Variants in LRCH3 observed in about 807,000 individuals in gnomAD.
LRCH3 encodes the protein DISP complex protein LRCH3.
In LRCH3, 68 loss-of-function variants were observed where a neutral mutation model predicts 104.5. That is an observed-to-expected ratio of 0.65 (90% CI 0.54 to 0.80). The LOEUF is 0.80. LRCH3 is among the 30% of genes least tolerant of loss of function. The pLI is 0.00. For missense variants in LRCH3, 951 were observed against 953.9 expected, an observed-to-expected ratio of 1.00 and a Z score of 0.04; for synonymous variants, 344 against 361.3, an observed-to-expected ratio of 0.95 and a Z score of 0.54.
chr3:197,844,533 A>G (rs369059897), intron 10 of LRCH3, among the ~76,000 whole-genome samples: 7 of 152,218 alleles, frequency 4.6e-5, no homozygotes, highest in African/African-American at 1.7e-4. Flanking sequence ...TGGGATTAAA[A>G]GCATGAGCCA....
chr3:197,803,639 T>C (rs1458596542), intron 1 of LRCH3, among the ~76,000 whole-genome samples: 2 of 151,832 alleles, frequency 1.3e-5, no homozygotes, highest in East Asian at 3.9e-4. Context: ...CACTCTAGCT[T>C]AGGCCACAGA....
chr3:197,829,228 T>C (rs1313145456), intron 5 of LRCH3, among the ~76,000 whole-genome samples: 1 of 152,238 alleles, frequency 6.6e-6, no homozygotes, highest in Non-Finnish European at 1.5e-5. Flanking sequence ...AGTTGCTTCA[T>C]GTAATCTAAT....
chr3:197,847,666 A>G (rs1029980248), intron 11 of LRCH3, among the ~76,000 whole-genome samples: 2 of 174 alleles, frequency 0.011, no homozygotes, highest in African/African-American at 0.024. Flanking sequence ...ATGGCTTTAT[A>G]GTATTAGTTT....
At chr3:197,853,541 G>A (rs866506339) in intron 13 of LRCH3, among the ~76,000 whole-genome samples, 7 of 152,226 alleles carry the variant, frequency 4.6e-5, no homozygotes, top group South Asian at 2.1e-4. Flanking sequence ...GCATAAAAGC[G>A]TTGTTTCATG....
At chr3:197,831,787 A>T (rs753588390) in intron 7 of LRCH3, among the ~76,000 whole-genome samples, 10 of 151,824 alleles carry the variant, frequency 6.6e-5, no homozygotes, top group East Asian at 1.9e-4. Context: ...CTGGCTAATT[A>T]AAAAAAATTT....
intron 4 of LRCH3, among the ~76,000 whole-genome samples, chr3:197,821,358 ATCTT>A (rs1447136085): frequency 2.0e-5 from 3 of 152,052 alleles, no homozygotes; most frequent in Non-Finnish European, 4.4e-5. Context: ...TAGTTTATCA[ATCTT>A]TCACAAATTA....
chr3:197,824,126 A>G (rs1273558), intron 4 of LRCH3, among the ~76,000 whole-genome samples: 114,639 of 150,812 alleles, frequency 0.76, 45,210 homozygotes, highest in East Asian at 0.94. Flanking sequence ...GTGCAGTGGC[A>G]TGATCTTGGC....
rs144846369 is a variant in LRCH3 at position 197,817,680 on chromosome 3, A to T, written c.534+378A>T. ...AATTTTTCAAAATAAATTTGTTTGT[A>T]TCATCAATATTCTGATTTTTGATTA... On this transcript the variant is annotated intron_variant, in intron 3 of 20. Coordinates refer to ENST00000425562, the MANE Select transcript of LRCH3 (RefSeq NM_001365715.1). 9.1e-4 allele frequency among the ~76,000 whole-genome samples: 138 copies of T among 152,156 alleles called. 3 individuals are homozygous for T. The East Asian group carries it at 0.013, about 15-fold the overall frequency.
At chr3:197,846,291 C>G (rs1738677456) in intron 10 of LRCH3, among the ~76,000 whole-genome samples, 1 of 149,256 alleles carries the variant, frequency 6.7e-6, no homozygotes, top group African/African-American at 2.5e-5. Flanking sequence ...TGTAGGCCAG[C>G]TGTTCGAAAG....
chr3:197,801,130 A>G (rs769206596), intron 1 of LRCH3, among the ~76,000 whole-genome samples: 2 of 151,762 alleles, frequency 1.3e-5, no homozygotes, highest in African/African-American at 2.4e-5. Context: ...AGCTATAACT[A>G]TATGCAGTTG....
In LRCH3 at chr3:197,856,203, A is replaced by G. The variant is rs1740225830; in HGVS notation, c.1644+1758A>G. On this transcript the variant is annotated intron_variant, in intron 14 of 20. Transcript: ENST00000425562. This position sits in a 1 kb window ranked among gnomAD's most constrained non-coding sequence, Gnocchi z 4.2. The stretch of plus-strand genomic sequence containing the variant: ...TTTGTTTAAATGTTCCATCTTTAAC[A>G]TGACTTTTCGGCAGCCCACCACCCT... Among the ~76,000 whole-genome samples the G allele has an allele frequency of 6.6e-6, 1 of 152,122 alleles. No individual in the cohort carries two copies. Among genetic ancestry groups the G allele is most frequent in the African/African-American group, 2.4e-5 (1 of 41,424 alleles).
intron 10 of LRCH3, among the ~76,000 whole-genome samples, chr3:197,840,832 C>G (rs571983840): frequency 6.6e-6 from 1 of 152,144 alleles, no homozygotes; most frequent in Non-Finnish European, 1.5e-5. Context: ...TCAGTTGCCA[C>G]GTGTCCTTTT....
chr3:197,855,573 C>T (rs1740138288), intron 14 of LRCH3, among the ~76,000 whole-genome samples: 1 of 152,178 alleles, frequency 6.6e-6, no homozygotes, highest in Non-Finnish European at 1.5e-5. Context: ...ATCTGTCTGG[C>T]TGATGGGAGA....
intron 4 of LRCH3, among the ~76,000 whole-genome samples, chr3:197,825,375 T>A (rs1037884672): frequency 1.1e-4 from 16 of 150,076 alleles, no homozygotes; most frequent in Admixed American, 6.0e-4. Context: ...TTTTTTTTTT[T>A]AAATAATTTT....
intron 2 of LRCH3, among the ~76,000 whole-genome samples, chr3:197,815,911 T>C (rs918140655): frequency 6.6e-6 from 1 of 152,222 alleles, no homozygotes; most frequent in African/African-American, 2.4e-5. Flanking sequence ...TTCCAGGCTT[T>C]TAGTCAAATT....
At position 197,883,680 on chromosome 3, in the gene LRCH3, G is replaced by A. The variant is rs531088943; in HGVS notation, c.*14G>A. On this transcript the variant is annotated 3_prime_UTR_variant, in exon 21 of 21. Coordinates refer to ENST00000425562, the MANE Select transcript of LRCH3 (RefSeq NM_001365715.1). This position sits in a 1 kb window ranked among gnomAD's most constrained non-coding sequence, Gnocchi z 4.2. ...TCTGCTGTTTGAGGATCCCCAGGAC[G>A]GTGGGCACTGGCCTGGCCAAAACAA... is the stretch of plus-strand genomic sequence containing the variant. 3.6e-4 allele frequency: 552 copies of A among 1,534,520 alleles called. 5 individuals are homozygous for A. In the South Asian group the frequency reaches 5.0e-3, roughly 14 times the overall value.
intron 19 of LRCH3, among the ~76,000 whole-genome samples, chr3:197,874,134 T>C (rs1712578077): frequency 6.6e-6 from 1 of 152,184 alleles, no homozygotes; most frequent in South Asian, 2.1e-4. Context: ...AAGTTTTCTT[T>C]AGTGCAGGGG....
rs1471183350 is a variant in LRCH3, at chr3:197,883,088, A to C, written c.2209-453A>C. The stretch of plus-strand genomic sequence containing the variant: ...CTCATGCAGGCTGAGTTATGTTTTC[A>C]AACTATCTTTCATTCTTGTGGTAGG... On this transcript the variant is annotated intron_variant, in intron 20 of 20. Transcript: ENST00000425562. The surrounding 1 kb of genome is among the most constrained non-coding windows in gnomAD (Gnocchi z 4.2). 1.0e-6 allele frequency: 1 copy of C among 986,014 alleles called. No individual in the cohort carries two copies. Among genetic ancestry groups the C allele is most frequent in the African/African-American group, 1.7e-5 (1 of 57,344 alleles). The allele number at this position is 986,014 out of a possible 1,614,324, so 61.1% of individuals were successfully genotyped here.
At chr3:197,792,415 T>G (rs1217619424) in intron 1 of LRCH3, among the ~76,000 whole-genome samples, 2 of 149,536 alleles carry the variant, frequency 1.3e-5, no homozygotes, top group Admixed American at 1.4e-4. Context: ...GCTTTCTTAG[T>G]TGTGGCGAAC....
Sources: allele counts gnomAD v4.1 joint callset (sites outside exome capture counted in the v4.1 genomes callset), GRCh38; gene constraint gnomAD v4.1.1; non-coding constraint Gnocchi (gnomAD v3.1); transcripts MANE v1.5; gene names NCBI Gene and HGNC (gene_info 2026-07-23, HGNC 2026-07-21).